Variants in CRCP observed in about 807,000 individuals in gnomAD.
CRCP encodes DNA-directed RNA polymerase III subunit RPC9.
In CRCP, 18 loss-of-function variants were observed where a neutral mutation model predicts 18.5. That is an observed-to-expected ratio of 0.97 (90% CI 0.67 to 1.44). The LOEUF (loss-of-function observed/expected upper bound fraction) is 1.44. CRCP is among the 40% of genes most tolerant of loss of function. The probability of loss-of-function intolerance (pLI) is 0.00; values close to 1 mark genes in which losing one functional copy is unlikely to be tolerated. For missense variants in CRCP, 130 were observed against 176.4 expected, an observed-to-expected ratio of 0.74 and a Z score of 1.49; for synonymous variants, 53 against 62.9, an observed-to-expected ratio of 0.84 and a Z score of 0.75.
intron 2 of CRCP, 95 bp downstream of exon 2, chr7:66,127,835 T>C: frequency 7.4e-7 from 1 of 1,357,420 alleles, no homozygotes; most frequent in South Asian, 1.2e-5. Context: ...GAATTCAGGC[T>C]GGGTGCAGTG....
chr7:66,118,652 A>G (rs1052052044), intron 1 of CRCP, among the ~76,000 whole-genome samples: 1 of 152,222 alleles, frequency 6.6e-6, no homozygotes, highest in African/African-American at 2.4e-5. Context: ...TAGTATTTGC[A>G]TATAATCTAT....
chr7:66,115,451 G>T (rs1239850019), intron 1 of CRCP, among the ~76,000 whole-genome samples: 1 of 152,164 alleles, frequency 6.6e-6, no homozygotes, highest in East Asian at 1.9e-4. Flanking sequence ...TTTGATGGGA[G>T]CAGTAAACAC....
intron 5 of CRCP, among the ~76,000 whole-genome samples, chr7:66,145,735 C>T (rs553798509): frequency 1.2e-4 from 18 of 152,306 alleles, no homozygotes; most frequent in South Asian, 8.3e-4. Context: ...GGCGGCTCTC[C>T]GACTCCCCTG....
At chr7:66,130,185 A>G (rs966622414) in intron 2 of CRCP, 4 of 235,892 alleles carry the variant, frequency 1.7e-5, no homozygotes, top group South Asian at 1.5e-4. Context: ...GGCTCACTGC[A>G]ACCTCTGCCT....
intron 4 of CRCP, among the ~76,000 whole-genome samples, chr7:66,142,003 A>T (rs550826934): frequency 6.6e-6 from 1 of 152,112 alleles, no homozygotes; most frequent in South Asian, 2.1e-4. Context: ...TTTTTCAGGG[A>T]GCGGTTGTGA....
Position 66,154,198 on chromosome 7 carries a change from T to A in CRCP, c.*1841T>A. On this transcript the variant is annotated 3_prime_UTR_variant, in exon 6 of 6. Transcript: ENST00000395326. ...GTCTCTCTCTTTTTTTTTTTTTTTT[T>A]TGAGACAGTCTCGCTGTGTTGCCCA... The A allele has an allele frequency of 6.8e-6, 1 of 146,182 alleles. No homozygotes were observed. The highest frequency in any genetic ancestry group is 2.2e-4 in the South Asian group (1 of 4,578). The allele number at this position is 146,182 out of a possible 1,614,324, so 9.1% of individuals were successfully genotyped here. A position where few individuals can be genotyped will look rare whatever the true frequency, so the allele number is the denominator to read the frequency against.
chr7:66,133,474 C>T (rs541411831), intron 3 of CRCP, among the ~76,000 whole-genome samples: 24 of 149,730 alleles, frequency 1.6e-4, no homozygotes, highest in Admixed American at 6.9e-4. Context: ...TGCCGCTGCA[C>T]TCCAGCCTGC....
intron 4 of CRCP, among the ~76,000 whole-genome samples, chr7:66,135,878 G>T (rs368297826): frequency 6.6e-6 from 1 of 151,218 alleles, no homozygotes; most frequent in East Asian, 1.9e-4. Context: ...CCAAGATCGC[G>T]CCCTTGCGCT....
intron 4 of CRCP, among the ~76,000 whole-genome samples, chr7:66,141,083 C>G (rs960712438): frequency 6.6e-6 from 1 of 152,118 alleles, no homozygotes; most frequent in African/African-American, 2.4e-5. Context: ...TTGCTTGTTT[C>G]CATGACTCTG....
chr7:66,124,353 CCTT>C (rs1787553619), intron 1 of CRCP, among the ~76,000 whole-genome samples: 1 of 152,010 alleles, frequency 6.6e-6, no homozygotes. Flanking sequence ...GAGCGAGACT[CCTT>C]CTCAAAAAAA....
At chr7:66,132,193 A>G (rs1314586489) in intron 3 of CRCP, among the ~76,000 whole-genome samples, 1 of 152,228 alleles carries the variant, frequency 6.6e-6, no homozygotes, top group Admixed American at 6.5e-5. Flanking sequence ...ACATTGGTAC[A>G]TACTATTAAG....
rs944740806 is a variant in CRCP at position 66,122,857 on chromosome 7, C to T, written c.9-4847C>T. The stretch of plus-strand genomic sequence containing the variant: ...TCACATGGTCTCTCCTCTGTGTGCA[C>T]AAGTCCCTGGACTTTTTTCTAGACA... On this transcript the variant is annotated intron_variant, in intron 1 of 5. Transcript: ENST00000395326. Among the ~76,000 whole-genome samples, 5 of 152,168 alleles carry T rather than the reference C, an allele frequency of 3.3e-5. No homozygotes were observed. In the South Asian group the frequency reaches 8.3e-4, roughly 25 times the overall value.
At chr7:66,131,680 A>G (rs536151727) in intron 3 of CRCP, among the ~76,000 whole-genome samples, 90 of 152,360 alleles carry the variant, frequency 5.9e-4, no homozygotes, top group African/African-American at 2.1e-3. Context: ...CTTCCTCAAA[A>G]GCCACAAAAT....
chr7:66,135,738 A>T (rs1376856854), intron 4 of CRCP, among the ~76,000 whole-genome samples: 1 of 152,142 alleles, frequency 6.6e-6, no homozygotes, highest in South Asian at 2.1e-4. Context: ...CCTGACCAAC[A>T]TGGAGAAACC....
intron 1 of CRCP, among the ~76,000 whole-genome samples, chr7:66,118,335 C>T (rs1479468310): frequency 6.6e-6 from 1 of 152,188 alleles, no homozygotes; most frequent in Non-Finnish European, 1.5e-5. Flanking sequence ...GTAAGTCTAA[C>T]TAACATAAGT....
At chr7:66,137,264 G>C (rs1436218395) in intron 4 of CRCP, among the ~76,000 whole-genome samples, 1 of 152,078 alleles carries the variant, frequency 6.6e-6, no homozygotes, top group East Asian at 1.9e-4. Flanking sequence ...TCTAGTTGTT[G>C]ATTGCTGATA....
chr7:66,143,362 TAGTC>T (rs1008816315), intron 4 of CRCP, among the ~76,000 whole-genome samples: 14 of 152,338 alleles, frequency 9.2e-5, no homozygotes, highest in African/African-American at 3.4e-4. Context: ...AGCCTCTTGA[TAGTC>T]AGGGCCCTTT....
At chr7:66,133,600 A>G (rs1481603957) in intron 3 of CRCP, among the ~76,000 whole-genome samples, 1 of 151,152 alleles carries the variant, frequency 6.6e-6, no homozygotes, top group Admixed American at 6.6e-5. Flanking sequence ...ATTCAGTCGT[A>G]TATATCCATG....
rs1024788936 is a variant in CRCP at position 66,153,420 on chromosome 7, C to G, written c.*1063C>G. On this transcript the variant is annotated 3_prime_UTR_variant, in exon 6 of 6. Coordinates refer to ENST00000395326, the MANE Select transcript of CRCP (RefSeq NM_014478.5). ...CACCATTGCACTCCAGCCTGGGCAACAAGAGCAAAACTTCATCTAAAAAAC... is the reference window on the plus strand; with the variant it reads ...CACCATTGCACTCCAGCCTGGGCAAGAAGAGCAAAACTTCATCTAAAAAAC... 5 of 152,126 alleles carry G rather than the reference C, an allele frequency of 3.3e-5. No homozygotes were observed. Among genetic ancestry groups the G allele is most frequent in the African/African-American group, 1.2e-4 (5 of 41,430 alleles). 9.4% of individuals were successfully genotyped at this position (152,126 alleles called of 1,614,324 possible).
Sources: gnomAD v4.1 joint callset for allele counts (sites outside exome capture counted in the v4.1 genomes callset) on GRCh38, gnomAD v4.1.1 for gene constraint, MANE v1.5 for transcripts, NCBI Gene and HGNC (gene_info 2026-07-23, HGNC 2026-07-21) for gene names.